Variants in GABRB1 observed in about 807,000 individuals in gnomAD.
GABRB1 encodes gamma-aminobutyric acid type A receptor subunit beta1.
A neutral mutation model predicts 51.6 loss-of-function variants in GABRB1; 17 were observed. That is an observed-to-expected ratio of 0.33 (90% CI 0.23 to 0.49). The LOEUF (loss-of-function observed/expected upper bound fraction) is 0.49, where lower values mean the gene tolerates loss of function less well. Among genes scored for constraint, GABRB1 ranks in the 20% least tolerant of loss-of-function variants. GABRB1 has a pLI of 0.99. For missense variants in GABRB1, 410 were observed against 600.6 expected (o/e 0.68, Z 3.32); for synonymous variants, 247 against 218.9 (o/e 1.13, Z -1.14).
At chr4:47,020,124 G>C (rs1384841229) in intron 1 of GABRB1, among the ~76,000 whole-genome samples, 1 of 151,882 alleles carries the variant, frequency 6.6e-6, no homozygotes, top group Non-Finnish European at 1.5e-5. Flanking sequence ...TTGATTTGCA[G>C]ATGACTGCCT....
At chr4:47,215,656 T>C (rs955140623) in intron 4 of GABRB1, among the ~76,000 whole-genome samples, 2 of 152,092 alleles carry the variant, frequency 1.3e-5, no homozygotes, top group African/African-American at 4.8e-5. Context: ...ATCAATCATA[T>C]TTTAGAATAA....
intron 1 of GABRB1, among the ~76,000 whole-genome samples, chr4:47,023,357 C>A (rs972383899): frequency 6.6e-6 from 1 of 151,948 alleles, no homozygotes; most frequent in Non-Finnish European, 1.5e-5. Context: ...AAAGGATTAA[C>A]GCTTGAGGGG....
chr4:47,128,253 A>C (rs1273619553), intron 3 of GABRB1, among the ~76,000 whole-genome samples: 1 of 151,904 alleles, frequency 6.6e-6, no homozygotes, highest in East Asian at 1.9e-4. Context: ...TAGTGAAGAA[A>C]GAACGTTAAG....
chr4:47,396,042 C>T (rs1356800677), intron 5 of GABRB1, among the ~76,000 whole-genome samples: 3 of 152,044 alleles, frequency 2.0e-5, no homozygotes, highest in East Asian at 1.9e-4. Flanking sequence ...ACTCTTCTGT[C>T]GGAGGATGTA....
At position 47,272,711 on chromosome 4, in the gene GABRB1, C is replaced by T. The variant is rs150409878; in HGVS notation, c.462-47416C>T. ...ATGAAGTTTTCCTTACAAACACTATCCCACTACATCCAAAATATTCCTTTA... is the reference window on the plus strand; with the variant it reads ...ATGAAGTTTTCCTTACAAACACTATTCCACTACATCCAAAATATTCCTTTA... On this transcript the variant is annotated intron_variant, in intron 4 of 8. Coordinates refer to ENST00000295454, the MANE Select transcript of GABRB1 (RefSeq NM_000812.4). 5.1e-3 allele frequency among the ~76,000 whole-genome samples: 776 copies of T among 152,206 alleles called. 12 individuals are homozygous for T. Among genetic ancestry groups the T allele is most frequent in the African/African-American group, 0.018 (734 of 41,554 alleles).
intron 4 of GABRB1, among the ~76,000 whole-genome samples, chr4:47,298,708 T>G (rs1029109524): frequency 6.6e-6 from 1 of 152,326 alleles, no homozygotes; most frequent in South Asian, 2.1e-4. Flanking sequence ...AAGCTACCAA[T>G]GACTTTCTTC....
chr4:47,146,933 A>G (rs758308529), intron 3 of GABRB1, among the ~76,000 whole-genome samples: 97 of 152,104 alleles, frequency 6.4e-4, no homozygotes, highest in Non-Finnish European at 1.1e-3. Context: ...GTGACTATTC[A>G]GTTTAATTAG....
At chr4:47,054,878 C>G (rs189291043) in intron 3 of GABRB1, among the ~76,000 whole-genome samples, 205 of 152,298 alleles carry the variant, frequency 1.3e-3, no homozygotes, top group African/African-American at 4.6e-3. Flanking sequence ...AGCCACTGCA[C>G]CCGGACACTT....
At position 47,033,723 on chromosome 4, in the gene GABRB1, G is replaced by T. The variant is rs2088663158; in HGVS notation, c.240+1239G>T. 2.0e-5 allele frequency among the ~76,000 whole-genome samples: 3 copies of T among 152,112 alleles called. No individual in the cohort carries two copies. The South Asian group carries it at 6.3e-4, about 32-fold the overall frequency. ...GAAATAAATATGTCTATAGCTTATTGAATAGGAATAGAATAAAAAGTGTGA... is the reference window on the plus strand; with the variant it reads ...GAAATAAATATGTCTATAGCTTATTTAATAGGAATAGAATAAAAAGTGTGA... On this transcript the variant is annotated intron_variant, in intron 3 of 8. Transcript: ENST00000295454.
intron 4 of GABRB1, among the ~76,000 whole-genome samples, chr4:47,218,065 C>A (rs1299195358): frequency 6.6e-6 from 1 of 151,842 alleles, no homozygotes; most frequent in Non-Finnish European, 1.5e-5. Flanking sequence ...TTAGCTCTCA[C>A]ATATGAGTGA....
At position 47,172,060 on chromosome 4, in the gene GABRB1, T is replaced by A. The variant is rs182876916; in HGVS notation, c.461+10591T>A. ...GTATGTCATTTCTTATTTTCAAGTG[T>A]TATGGCACTATAACACTCTAGATAT... On this transcript the variant is annotated intron_variant, in intron 4 of 8. Coordinates refer to ENST00000295454, the MANE Select transcript of GABRB1 (RefSeq NM_000812.4). 2.6e-5 allele frequency among the ~76,000 whole-genome samples: 4 copies of A among 152,280 alleles called. No individual in the cohort carries two copies. The East Asian group carries it at 7.7e-4, about 29-fold the overall frequency.
chr4:47,073,421 C>A (rs1727423761), intron 3 of GABRB1, among the ~76,000 whole-genome samples: 2 of 152,120 alleles, frequency 1.3e-5, no homozygotes. Context: ...TTAGCCACTT[C>A]CTAATGCTAT....
intron 4 of GABRB1, among the ~76,000 whole-genome samples, chr4:47,193,244 T>A (rs748262444): frequency 2.0e-5 from 3 of 152,186 alleles, no homozygotes; most frequent in Non-Finnish European, 4.4e-5. Context: ...TGCCTCAGCC[T>A]CCTGAGTAGC....
intron 5 of GABRB1, among the ~76,000 whole-genome samples, chr4:47,343,340 G>A (rs573918375): frequency 7.2e-5 from 11 of 152,066 alleles, no homozygotes; most frequent in Non-Finnish European, 1.6e-4. Flanking sequence ...AAGTCAGTTT[G>A]GGATCAATGT....
At chr4:47,312,190 G>T (rs11731871) in intron 4 of GABRB1, among the ~76,000 whole-genome samples, 1 of 151,722 alleles carries the variant, frequency 6.6e-6, no homozygotes, top group Non-Finnish European at 1.5e-5. Context: ...GTTCTTTAAA[G>T]TTTTTTACTA....
upstream of GABRB1, among the ~76,000 whole-genome samples, chr4:47,028,304 A>G (rs1163078781): frequency 6.6e-6 from 1 of 151,786 alleles, no homozygotes; most frequent in East Asian, 1.9e-4. Context: ...CCCCTTAAGC[A>G]CTTATCCTTG....
chr4:47,315,140 C>T (rs1257473644), intron 4 of GABRB1, among the ~76,000 whole-genome samples: 1 of 151,948 alleles, frequency 6.6e-6, no homozygotes, highest in Non-Finnish European at 1.5e-5. Flanking sequence ...AACTACACAT[C>T]TGACAAAGGT....
intron 5 of GABRB1, among the ~76,000 whole-genome samples, chr4:47,378,837 A>G (rs183429090): frequency 3.1e-4 from 47 of 152,224 alleles, no homozygotes; most frequent in Admixed American, 1.2e-3. Context: ...TGTGAAGGAA[A>G]TATAATTGAT....
At chr4:47,356,434 G>T (rs1238187364) in intron 5 of GABRB1, among the ~76,000 whole-genome samples, 1 of 152,160 alleles carries the variant, frequency 6.6e-6, no homozygotes, top group African/African-American at 2.4e-5. Flanking sequence ...CACTTCCAGA[G>T]AGCAAATTTT....
Sources: gnomAD v4.1 joint callset for allele counts (sites outside exome capture counted in the v4.1 genomes callset) on GRCh38, gnomAD v4.1.1 for gene constraint, MANE v1.5 for transcripts, NCBI Gene and HGNC (gene_info 2026-07-23, HGNC 2026-07-21) for gene names.